Variants in FSHR observed in about 807,000 individuals in gnomAD.
FSHR encodes follicle-stimulating hormone receptor.
A neutral mutation model predicts 52.1 loss-of-function variants in FSHR; 46 were observed. That is an observed-to-expected ratio of 0.88 (90% confidence interval 0.70 to 1.13). FSHR has a LOEUF of 1.13. Ranked by LOEUF, FSHR falls within the 50% of genes most tolerant of loss-of-function variation. The probability of loss-of-function intolerance (pLI) is 0.00; values close to 1 mark genes in which losing one functional copy is unlikely to be tolerated. For synonymous variants in FSHR, 399 were observed against 309.6 expected, an observed-to-expected ratio of 1.29 and a Z score of -3.03; for missense variants, 964 against 834.6, an observed-to-expected ratio of 1.16 and a Z score of -1.91.
chr2:49,149,078 T>G (rs1334736448), intron 1 of FSHR, among the ~76,000 whole-genome samples: 1 of 151,970 alleles, frequency 6.6e-6, no homozygotes, highest in Non-Finnish European at 1.5e-5. Context: ...AAAAAAATAT[T>G]ATTATTAGTA....
In FSHR at chr2:48,963,026, C is replaced by G. The variant is rs370332388; in HGVS notation, c.1795G>C (p.Val599Leu). The change falls in exon 10 of 10, where the codon GTG becomes CTG. Residue 599 changes from valine (V) to leucine (L), a missense_variant. Coordinates refer to ENST00000406846, the MANE Select transcript of FSHR (RefSeq NM_000145.4). ...GCTTTGGACACAGTGATGAGGGGCA[C>G]CTTGAGGGAGGCAGAAATGGCAAAG... ...SFFAISASLK[V>L]PLITVSKAKI... is the part of the protein sequence containing the mutation. 6 of 1,613,958 alleles carry G rather than the reference C, an allele frequency of 3.7e-6. No individual in the cohort carries two copies. The highest frequency in any genetic ancestry group is 5.1e-6 in the Non-Finnish European group (6 of 1,179,980).
chr2:48,993,672 A>G lies in FSHR; in HGVS notation c.375-3035T>C, dbSNP rs1193926440. 3.3e-5 allele frequency among the ~76,000 whole-genome samples: 5 copies of G among 152,150 alleles called. 1 individual carries two copies. The highest frequency in any genetic ancestry group is 2.0e-4 in the Admixed American group (3 of 15,266). ...TCCCATAAAACTTAGAGTAAAATTT[A>G]TACTTCTTACTGCCTACTCTTGCAC... On this transcript the variant is annotated intron_variant, in intron 4 of 9. Coordinates refer to ENST00000406846, the MANE Select transcript of FSHR (RefSeq NM_000145.4).
chr2:49,044,267 C>G (rs1049329272), intron 2 of FSHR, among the ~76,000 whole-genome samples: 1 of 152,132 alleles, frequency 6.6e-6, no homozygotes, highest in Admixed American at 6.5e-5. Flanking sequence ...CTGGGGGAAA[C>G]TCACATTTTC....
At chr2:49,038,986 G>C (rs1330682038) in intron 2 of FSHR, among the ~76,000 whole-genome samples, 4 of 152,166 alleles carry the variant, frequency 2.6e-5, no homozygotes, top group Non-Finnish European at 5.9e-5. Context: ...ATTTGAGAAC[G>C]TGTGCATATG....
chr2:49,033,419 G>T (rs1668170910), intron 2 of FSHR, among the ~76,000 whole-genome samples: 1 of 152,154 alleles, frequency 6.6e-6, no homozygotes, highest in Non-Finnish European at 1.5e-5. Flanking sequence ...CTTTCTTCTA[G>T]CACCTAAATG....
rs1674301962 is a variant in FSHR at position 48,963,063 on chromosome 2, T to G, written c.1758A>C (p.Ala586=). ...CAGAAATGGCAAAGAAAGAAATGGG[T>G]GCCATGCAGAGGAAGTCAGTGAAGA... ...MLIFTDFLCM[A]PISFFAISAS... is the part of the protein sequence containing the mutation. Residue 586 remains alanine, a synonymous_variant, in exon 10 of 10, where the codon GCA becomes GCC. Coordinates refer to ENST00000406846, the MANE Select transcript of FSHR (RefSeq NM_000145.4). The G allele has an allele frequency of 6.2e-7, 1 of 1,613,988 alleles. No individual in the cohort carries two copies. Among genetic ancestry groups the G allele is most frequent in the Admixed American group, 1.7e-5 (1 of 59,990 alleles).
At chr2:49,122,418 C>T (rs1464876408) in intron 1 of FSHR, among the ~76,000 whole-genome samples, 1 of 152,228 alleles carries the variant, frequency 6.6e-6, no homozygotes, top group Non-Finnish European at 1.5e-5. Context: ...ATGGTTACTA[C>T]AGTCGGGGTC....
chr2:49,073,930 C>T (rs1048974417), intron 1 of FSHR, among the ~76,000 whole-genome samples: 2 of 152,014 alleles, frequency 1.3e-5, no homozygotes, highest in African/African-American at 2.4e-5. Flanking sequence ...CAAGAACACT[C>T]ACTGGGGAAA....
intron 1 of FSHR, among the ~76,000 whole-genome samples, chr2:49,146,809 T>G (rs1053363386): frequency 1.3e-5 from 2 of 152,084 alleles, no homozygotes; most frequent in Non-Finnish European, 2.9e-5. Context: ...TGGATCTTTC[T>G]GTTGCATCGA....
chr2:49,097,761 T>C (rs1367804889), intron 1 of FSHR, among the ~76,000 whole-genome samples: 1 of 152,186 alleles, frequency 6.6e-6, no homozygotes, highest in Non-Finnish European at 1.5e-5. Flanking sequence ...AGAAGGAAAC[T>C]AGAAAAGTAA....
At chr2:49,146,242 C>A (rs866348253) in intron 1 of FSHR, among the ~76,000 whole-genome samples, 106 of 152,038 alleles carry the variant, frequency 7.0e-4, no homozygotes, top group African/African-American at 2.3e-3. Context: ...GGGATGTAAT[C>A]CTATCTTATG....
At chr2:49,036,442 T>TA (rs1163134473) in intron 2 of FSHR, among the ~76,000 whole-genome samples, 1 of 151,608 alleles carries the variant, frequency 6.6e-6, no homozygotes, top group African/African-American at 2.4e-5. Context: ...ATATATAAAT[T>TA]AAAAAATCAT....
chr2:49,118,440 G>A (rs949494420), intron 1 of FSHR, among the ~76,000 whole-genome samples: 16 of 152,320 alleles, frequency 1.1e-4, no homozygotes, highest in Non-Finnish European at 4.4e-5. Context: ...GACCCCTGTG[G>A]CTTTCACATG....
Position 49,090,274 on chromosome 2 carries a change from A to G in FSHR, c.153-21984T>C, listed in dbSNP as rs934678986. On this transcript the variant is annotated intron_variant, in intron 1 of 9. Transcript: ENST00000406846. ...TCCCTTGGACTGACATTTTGAGGAA[A>G]CACTGTCCCTCCACTTTTAACTGCT... Among the ~76,000 whole-genome samples the G allele has an allele frequency of 5.9e-5, 9 of 152,158 alleles. No homozygotes were observed. In the South Asian group the frequency reaches 1.9e-3, roughly 32 times the overall value.
At chr2:49,137,404 T>C (rs1558462248) in intron 1 of FSHR, among the ~76,000 whole-genome samples, 2 of 152,222 alleles carry the variant, frequency 1.3e-5, no homozygotes, top group South Asian at 2.1e-4. Context: ...ATTGTTAAGA[T>C]GGCAATACTC....
intron 1 of FSHR, among the ~76,000 whole-genome samples, chr2:49,074,446 C>T (rs1669871854): frequency 6.6e-6 from 1 of 152,050 alleles, no homozygotes; most frequent in Non-Finnish European, 1.5e-5. Context: ...CAGGAAAATT[C>T]AAATTAAAAC....
intron 2 of FSHR, among the ~76,000 whole-genome samples, chr2:49,045,188 C>T (rs559123380): frequency 2.0e-5 from 3 of 152,238 alleles, no homozygotes; most frequent in African/African-American, 7.2e-5. Flanking sequence ...TTATCAACAA[C>T]TACACTGAAG....
At chr2:49,065,099 T>C (rs1472675743) in intron 2 of FSHR, among the ~76,000 whole-genome samples, 1 of 152,148 alleles carries the variant, frequency 6.6e-6, no homozygotes, top group Non-Finnish European at 1.5e-5. Flanking sequence ...TGATGTCTGG[T>C]AATAATAGTG....
intron 2 of FSHR, among the ~76,000 whole-genome samples, chr2:49,061,202 G>C (rs1669274508): frequency 6.6e-6 from 1 of 152,056 alleles, no homozygotes; most frequent in Non-Finnish European, 1.5e-5. Flanking sequence ...GAGCAAACTT[G>C]CACCTCAAGA....
Sources: gnomAD v4.1 joint callset for allele counts (sites outside exome capture counted in the v4.1 genomes callset) on GRCh38, gnomAD v4.1.1 for gene constraint, MANE v1.5 for transcripts, NCBI Gene and HGNC (gene_info 2026-07-23, HGNC 2026-07-21) for gene names.